VWA8: variants seen among roughly 807,000 people sequenced by gnomAD.
VWA8 encodes the protein von Willebrand factor A domain containing 8.
In VWA8, 221 loss-of-function variants were observed where a neutral mutation model predicts 241.5. The ratio of observed to expected loss-of-function variants is 0.91; its 90% CI spans 0.82 to 1.02. VWA8 has a LOEUF of 1.02. Ranked by LOEUF, VWA8 falls within the 50% of genes least tolerant of loss-of-function variation. The pLI, the probability that VWA8 is intolerant of heterozygous loss-of-function variation, is 0.00. For missense variants in VWA8, 2,322 were observed against 2,328.7 expected, an observed-to-expected ratio of 1.00 and a Z score of 0.06; for synonymous variants, 852 against 827.1, an observed-to-expected ratio of 1.03 and a Z score of -0.52.
intron 21 of VWA8, among the ~76,000 whole-genome samples, chr13:41,758,386 ATATATACGCTAGTATATAT>A (rs1383245441): frequency 5.4e-5 from 1 of 18,664 alleles, no homozygotes; most frequent in African/African-American, 1.1e-4. Flanking sequence ...ATATATATAT[ATATATACGCTAGTATATAT>A]ATATATATAT....
intron 15 of VWA8, among the ~76,000 whole-genome samples, chr13:41,818,253 G>A (rs965480080): frequency 4.1e-5 from 6 of 144,756 alleles, no homozygotes; most frequent in Non-Finnish European, 7.6e-5. Context: ...ATGAGCCACC[G>A]CACCTGGCCG....
At chr13:41,690,369 CT>C in intron 32 of VWA8, 94 bp from the exon 33 acceptor site, 5 of 1,010,132 alleles carry the variant, frequency 4.9e-6, no homozygotes, top group Non-Finnish European at 5.7e-6. Flanking sequence ...TCCTCAGTCT[CT>C]TTTTTATAGT....
intron 12 of VWA8, among the ~76,000 whole-genome samples, chr13:41,860,296 T>G (rs560267170): frequency 5.9e-5 from 9 of 152,218 alleles, no homozygotes; most frequent in Non-Finnish European, 1.0e-4. Flanking sequence ...TGTGCTTAGT[T>G]TGCTTATCTC....
intron 39 of VWA8, among the ~76,000 whole-genome samples, chr13:41,609,550 G>A (rs2044574197): frequency 6.6e-6 from 1 of 152,098 alleles, no homozygotes. Context: ...TTCATTATAT[G>A]TTCCTCTCAA....
rs561085147 is a variant in VWA8, at chr13:41,757,359, T to C, written c.2426+3769A>G. ...AATACATCGTTCATACAAAGAACCATGAGAAGATATAAAAATAGTGTGGTA... is the reference window on the plus strand; with the variant it reads ...AATACATCGTTCATACAAAGAACCACGAGAAGATATAAAAATAGTGTGGTA... On this transcript the variant is annotated intron_variant, in intron 21 of 44. Transcript: ENST00000379310. 4.0e-5 allele frequency among the ~76,000 whole-genome samples: 6 copies of C among 151,818 alleles called. No individual in the cohort carries two copies. In the East Asian group the frequency reaches 9.7e-4, roughly 24 times the overall value.
At chr13:41,756,656 T>C (rs1042705840) in intron 21 of VWA8, among the ~76,000 whole-genome samples, 2 of 151,742 alleles carry the variant, frequency 1.3e-5, no homozygotes, top group African/African-American at 4.8e-5. Flanking sequence ...ATCTCCATGG[T>C]GAAGTGATTC....
At chr13:41,711,072 C>T (rs1245976422) in intron 26 of VWA8, among the ~76,000 whole-genome samples, 2 of 152,202 alleles carry the variant, frequency 1.3e-5, no homozygotes, top group East Asian at 1.9e-4. Flanking sequence ...ATACTAAGTA[C>T]AATCCTGTAA....
chr13:41,890,226 T>C (rs976499512), intron 5 of VWA8, among the ~76,000 whole-genome samples: 3 of 152,232 alleles, frequency 2.0e-5, no homozygotes, highest in Non-Finnish European at 4.4e-5. Context: ...CCTAGTGTGT[T>C]CTGGGCTCAT....
intron 26 of VWA8, chr13:41,719,338 TAAAG>T: frequency 7.6e-7 from 1 of 1,308,576 alleles, no homozygotes; most frequent in African/African-American, 1.5e-5. Context: ...CTGAGACTGT[TAAAG>T]AAACAAATAT....
chr13:41,716,184 A>G (rs867518265), intron 26 of VWA8, among the ~76,000 whole-genome samples: 18 of 151,996 alleles, frequency 1.2e-4, no homozygotes, highest in African/African-American at 3.9e-4. Flanking sequence ...GTCTGGGAAT[A>G]TATTTGCAGA....
chr13:41,840,327 A>T (rs967506719), intron 12 of VWA8, among the ~76,000 whole-genome samples: 2 of 152,088 alleles, frequency 1.3e-5, no homozygotes, highest in African/African-American at 2.4e-5. Flanking sequence ...TGGCGGGGCT[A>T]GAGGAGGGAT....
chr13:41,716,559 C>A (rs1181943995), intron 26 of VWA8, among the ~76,000 whole-genome samples: 1 of 151,988 alleles, frequency 6.6e-6, no homozygotes, highest in Non-Finnish European at 1.5e-5. Flanking sequence ...TAAAAAAATT[C>A]CCCCTTCTAA....
chr13:41,676,587 A>G (rs2045061755), intron 35 of VWA8, among the ~76,000 whole-genome samples: 1 of 151,978 alleles, frequency 6.6e-6, no homozygotes, highest in Admixed American at 6.6e-5. Flanking sequence ...ATTATTGCCT[A>G]TTTTATTGTG....
chr13:41,794,286 TG>T (rs1281301702), intron 17 of VWA8, among the ~76,000 whole-genome samples: 2 of 152,160 alleles, frequency 1.3e-5, no homozygotes, highest in East Asian at 3.8e-4. Flanking sequence ...TTTTTCCATT[TG>T]TTTGTGTCCT....
chr13:41,829,569 GCACACACA>G (rs879895316), intron 14 of VWA8, among the ~76,000 whole-genome samples: 1 of 65,128 alleles, frequency 1.5e-5, no homozygotes, highest in Non-Finnish European at 4.2e-5. Context: ...ACACACACAT[GCACACACA>G]CACACACCAT....
intron 12 of VWA8, among the ~76,000 whole-genome samples, chr13:41,841,655 G>A (rs968507616): frequency 1.1e-4 from 16 of 148,678 alleles, no homozygotes; most frequent in Non-Finnish European, 1.9e-4. Flanking sequence ...GTGTGGTGGC[G>A]GGCGCCTGTA....
chr13:41,587,869 GTGCTAA>G (rs552261031), intron 41 of VWA8, among the ~76,000 whole-genome samples, 199 bp from the exon 42 acceptor site: 39 of 152,292 alleles, frequency 2.6e-4, no homozygotes, highest in African/African-American at 8.4e-4. Flanking sequence ...TTTCAGACTT[GTGCTAA>G]TGGTTGGGGC....
At chr13:41,729,390 A>T in intron 23 of VWA8, 152 bp downstream of exon 23, 1 of 784,402 alleles carries the variant, frequency 1.3e-6, no homozygotes, top group Non-Finnish European at 1.9e-6. Context: ...CAGATGTATT[A>T]ATTTTTATAA....
intron 12 of VWA8, among the ~76,000 whole-genome samples, chr13:41,841,862 A>AC (rs1872071432): frequency 1.0e-5 from 1 of 96,664 alleles, no homozygotes; most frequent in African/African-American, 4.1e-5. Context: ...TATATATAAA[A>AC]ACAGTAGACA....
Sources: gnomAD v4.1 joint callset for allele counts (sites outside exome capture counted in the v4.1 genomes callset) on GRCh38, gnomAD v4.1.1 for gene constraint, MANE v1.5 for transcripts, NCBI Gene and HGNC (gene_info 2026-07-23, HGNC 2026-07-21) for gene names.